GBE1: variants seen among roughly 807,000 people sequenced by gnomAD.
GBE1 encodes 1,4-alpha-glucan branching enzyme 1.
A neutral mutation model predicts 88.8 loss-of-function variants in GBE1; 70 were observed. That is an observed-to-expected ratio of 0.79 (90% CI 0.65 to 0.96). GBE1 has a LOEUF of 0.96. Ranked by LOEUF, GBE1 falls within the 40% of genes least tolerant of loss-of-function variation. The pLI is 0.00. For missense variants in GBE1, 872 were observed against 871.0 expected (o/e 1.00, Z -0.01); for synonymous variants, 284 against 300.1 (o/e 0.95, Z 0.56).
In GBE1 at chr3:81,734,098, C is replaced by T. The variant is rs146772568; in HGVS notation, c.143+27277G>A. Among the ~76,000 whole-genome samples, 61 of 152,170 alleles carry T rather than the reference C, an allele frequency of 4.0e-4. No homozygotes were observed. The East Asian group carries it at 0.011, about 28-fold the overall frequency. On this transcript the variant is annotated intron_variant, in intron 1 of 15. Transcript: ENST00000429644. ...ACTCTGGTTTATTTCTAAAGTTTTC[C>T]AAAATAACTTTTATTCTTACTTTTA...
chr3:81,652,527 T>A (rs1292026623), intron 3 of GBE1, among the ~76,000 whole-genome samples: 1 of 152,178 alleles, frequency 6.6e-6, no homozygotes, highest in African/African-American at 2.4e-5. Context: ...TTTCTCCTTC[T>A]CTCTTATTCA....
chr3:81,672,853 G>A (rs1301126906), intron 2 of GBE1, among the ~76,000 whole-genome samples: 2 of 151,834 alleles, frequency 1.3e-5, no homozygotes, highest in African/African-American at 4.8e-5. Flanking sequence ...GGAATAATCA[G>A]GAAACTCATT....
chr3:81,691,104 T>C (rs1250164117), intron 2 of GBE1, among the ~76,000 whole-genome samples: 1 of 152,142 alleles, frequency 6.6e-6, no homozygotes, highest in Non-Finnish European at 1.5e-5. Flanking sequence ...TCCATCTGCT[T>C]GCAACAAGGG....
At chr3:81,499,336 A>T (rs955160780) in intron 14 of GBE1, 109 bp from the exon 15 acceptor site, 24 of 726,180 alleles carry the variant, frequency 3.3e-5, no homozygotes, top group Non-Finnish European at 5.3e-5. Flanking sequence ...TTAAATCATA[A>T]TTTGTGCTAA....
intron 12 of GBE1, among the ~76,000 whole-genome samples, chr3:81,558,522 C>A (rs1399327424): frequency 6.6e-6 from 1 of 151,934 alleles, no homozygotes; most frequent in Non-Finnish European, 1.5e-5. Flanking sequence ...TTCAAAAATT[C>A]AGTTTTCTAA....
At chr3:81,552,520 TAAAA>T (rs58899195) in intron 12 of GBE1, among the ~76,000 whole-genome samples, 9 of 55,828 alleles carry the variant, frequency 1.6e-4, no homozygotes, top group Admixed American at 7.4e-4. Flanking sequence ...CTATCTTATA[TAAAA>T]AAAAAAAAAA....
At chr3:81,572,886 C>T (rs1017368216) in intron 12 of GBE1, among the ~76,000 whole-genome samples, 1 of 152,052 alleles carries the variant, frequency 6.6e-6, no homozygotes, top group African/African-American at 2.4e-5. Flanking sequence ...TAGCAACATT[C>T]CTGGGTCACA....
At chr3:81,663,469 T>G (rs759033000) in intron 3 of GBE1, among the ~76,000 whole-genome samples, 51 of 152,192 alleles carry the variant, frequency 3.4e-4, no homozygotes, top group Non-Finnish European at 5.9e-4. Context: ...CCAGAGCCAC[T>G]GAAGGGCCCA....
At chr3:81,692,202 T>C (rs1307731242) in intron 2 of GBE1, among the ~76,000 whole-genome samples, 1 of 152,238 alleles carries the variant, frequency 6.6e-6, no homozygotes, top group African/African-American at 2.4e-5. Context: ...TTATTTTTAA[T>C]GCCTTGGATT....
In GBE1 at chr3:81,675,834, T is replaced by G. The variant is rs184200373; in HGVS notation, c.314-4881A>C. 7.2e-4 allele frequency among the ~76,000 whole-genome samples: 110 copies of G among 152,226 alleles called. No individual in the cohort carries two copies. The Middle Eastern group carries it at 0.017, about 24-fold the overall frequency. On this transcript the variant is annotated intron_variant, in intron 2 of 15. Transcript: ENST00000429644. ...TTTTATTACAACATCTGCTAAAACA[T>G]TTGATGTTTATCAAGTAAAGAAAAC...
chr3:81,680,574 T>C (rs1251863575), intron 2 of GBE1, among the ~76,000 whole-genome samples: 1 of 152,096 alleles, frequency 6.6e-6, no homozygotes, highest in Non-Finnish European at 1.5e-5. Context: ...ATAAACATTA[T>C]TTAGGATCTA....
chr3:81,743,715 TTGTC>T (rs1706382845), intron 1 of GBE1: 3 of 834,038 alleles, frequency 3.6e-6, no homozygotes, highest in African/African-American at 1.8e-5. Flanking sequence ...CAGATTTACT[TTGTC>T]TGGCCCATGT....
At chr3:81,673,515 G>C (rs1413334759) in intron 2 of GBE1, among the ~76,000 whole-genome samples, 1 of 151,940 alleles carries the variant, frequency 6.6e-6, no homozygotes, top group African/African-American at 2.4e-5. Flanking sequence ...GAAATTCAAT[G>C]ATATGTGAAA....
At chr3:81,696,166 GAAGA>G (rs1705590676) in intron 2 of GBE1, among the ~76,000 whole-genome samples, 1 of 152,154 alleles carries the variant, frequency 6.6e-6, no homozygotes, top group South Asian at 2.1e-4. Context: ...AATCTGAAAT[GAAGA>G]GAGAGCTACA....
At chr3:81,558,814 A>G (rs902490936) in intron 12 of GBE1, among the ~76,000 whole-genome samples, 1 of 152,092 alleles carries the variant, frequency 6.6e-6, no homozygotes, top group African/African-American at 2.4e-5. Context: ...GTGACCTTGA[A>G]GTCAACTGAT....
chr3:81,696,261 T>G (rs1444552973), intron 2 of GBE1, among the ~76,000 whole-genome samples: 1 of 152,172 alleles, frequency 6.6e-6, no homozygotes, highest in East Asian at 1.9e-4. Flanking sequence ...AACAACTGCT[T>G]GGATGAGCAA....
intron 6 of GBE1, among the ~76,000 whole-genome samples, chr3:81,644,664 A>C (rs796071649): frequency 6.6e-6 from 1 of 152,152 alleles, no homozygotes; most frequent in African/African-American, 2.4e-5. Flanking sequence ...TTTTTAAATG[A>C]TTACTCTGGC....
intron 1 of GBE1, among the ~76,000 whole-genome samples, chr3:81,706,036 C>A (rs1265754440): frequency 6.6e-6 from 1 of 152,074 alleles, no homozygotes; most frequent in Admixed American, 6.6e-5. Context: ...CAGGGTTTGG[C>A]AAACTTTTCC....
chr3:81,673,074 A>C (rs537250330), intron 2 of GBE1, among the ~76,000 whole-genome samples: 1 of 151,988 alleles, frequency 6.6e-6, no homozygotes, highest in South Asian at 2.1e-4. Context: ...ACTCCTCTTC[A>C]CCTAAAAACC....
Sources: gnomAD v4.1 joint callset for allele counts (sites outside exome capture counted in the v4.1 genomes callset) on GRCh38, gnomAD v4.1.1 for gene constraint, MANE v1.5 for transcripts, NCBI Gene and HGNC (gene_info 2026-07-23, HGNC 2026-07-21) for gene names.